The following FHIT variants were observed in gnomAD, a reference collection of about 807,000 sequenced individuals.
FHIT encodes bis(5'-adenosyl)-triphosphatase.
FHIT carries 19 observed loss-of-function variants against 17.9 expected under a neutral mutation model. That is an observed-to-expected ratio of 1.06 (90% CI 0.74 to 1.56). The LOEUF is 1.56. FHIT is among the 40% of genes most tolerant of loss of function. FHIT has a pLI of 0.00. For synonymous variants in FHIT, 81 were observed against 69.7 expected (o/e 1.16, Z -0.81); for missense variants, 248 against 189.2 (o/e 1.31, Z -1.82).
At chr3:61,204,148 A>G (rs187929076) in intron 1 of FHIT, among the ~76,000 whole-genome samples, 1 of 152,332 alleles carries the variant, frequency 6.6e-6, no homozygotes, top group East Asian at 1.9e-4. Context: ...AAAAATAAAT[A>G]CTGTGTTGTT....
chr3:60,263,952 G>A (rs185373576), intron 5 of FHIT, among the ~76,000 whole-genome samples: 82 of 151,586 alleles, frequency 5.4e-4, no homozygotes, highest in African/African-American at 1.8e-3. Flanking sequence ...TTAGATTTAC[G>A]TTGAGAATTT....
At chr3:60,332,126 T>C (rs1710007459) in intron 5 of FHIT, among the ~76,000 whole-genome samples, 1 of 152,168 alleles carries the variant, frequency 6.6e-6, no homozygotes, top group African/African-American at 2.4e-5. Context: ...TCTTTACATA[T>C]ATTAATTTAT....
At position 60,860,077 on chromosome 3, in the gene FHIT, T is replaced by G. The variant is rs1285011390; in HGVS notation, c.-110-38066A>C. Among the ~76,000 whole-genome samples the G allele has an allele frequency of 3.4e-5, 5 of 148,136 alleles. No homozygotes were observed. The East Asian group carries it at 9.7e-4, about 29-fold the overall frequency. On this transcript the variant is annotated intron_variant, in intron 3 of 9. Coordinates refer to ENST00000492590, the MANE Select transcript of FHIT (RefSeq NM_002012.4). Reference sequence around the variant, plus strand: ...AAAAGATACATATATATGATATATCTGATATATGATATATATATGATATAT... The same window carrying G: ...AAAAGATACATATATATGATATATCGGATATATGATATATATATGATATAT...
intron 5 of FHIT, among the ~76,000 whole-genome samples, chr3:60,184,275 G>A (rs1702070240): frequency 6.6e-6 from 1 of 151,746 alleles, no homozygotes; most frequent in African/African-American, 2.4e-5. Context: ...TATTTTATTG[G>A]GATTTCCTTA....
chr3:59,808,652 G>T (rs1470141628), intron 8 of FHIT, among the ~76,000 whole-genome samples: 1 of 152,214 alleles, frequency 6.6e-6, no homozygotes, highest in African/African-American at 2.4e-5. Flanking sequence ...TTTCTGCTGA[G>T]CTGATCTGGA....
intron 4 of FHIT, among the ~76,000 whole-genome samples, chr3:60,634,908 G>A (rs1282223676): frequency 6.6e-6 from 1 of 152,134 alleles, no homozygotes; most frequent in Non-Finnish European, 1.5e-5. Flanking sequence ...TTCCCAGGCT[G>A]GAGTGCAGTG....
chr3:60,762,719 C>T (rs1475861171), intron 4 of FHIT, among the ~76,000 whole-genome samples: 1 of 152,138 alleles, frequency 6.6e-6, no homozygotes, highest in Non-Finnish European at 1.5e-5. Context: ...TTGAGTAAAA[C>T]AGATTACCCT....
chr3:60,999,443 C>A (rs2030910295), intron 3 of FHIT, among the ~76,000 whole-genome samples: 2 of 148,890 alleles, frequency 1.3e-5, no homozygotes, highest in African/African-American at 5.0e-5. Flanking sequence ...TTTTTATTCT[C>A]CAAAGTGAAG....
intron 3 of FHIT, among the ~76,000 whole-genome samples, chr3:60,874,713 C>T (rs1553755926): frequency 6.6e-6 from 1 of 152,124 alleles, no homozygotes. Context: ...CACCTCCCAT[C>T]TGCAGTCTCA....
intron 2 of FHIT, among the ~76,000 whole-genome samples, chr3:61,134,888 G>A (rs989626318): frequency 6.6e-6 from 1 of 152,180 alleles, no homozygotes; most frequent in South Asian, 2.1e-4. Flanking sequence ...CAAATGCCCA[G>A]TGGCTGAGAG....
At chr3:61,015,372 T>C (rs752112270) in intron 3 of FHIT, among the ~76,000 whole-genome samples, 2 of 152,144 alleles carry the variant, frequency 1.3e-5, no homozygotes, top group South Asian at 2.1e-4. Context: ...CTGAGGGAGA[T>C]GTTTGTGTCC....
intron 4 of FHIT, among the ~76,000 whole-genome samples, chr3:60,577,659 A>G (rs1436839401): frequency 1.3e-5 from 2 of 152,144 alleles, no homozygotes; most frequent in Admixed American, 1.3e-4. Context: ...CATCAGTGCT[A>G]AGAGGCTTTC....
intron 5 of FHIT, among the ~76,000 whole-genome samples, chr3:60,431,746 C>T (rs1265014463): frequency 2.0e-5 from 3 of 152,098 alleles, no homozygotes; most frequent in African/African-American, 4.8e-5. Context: ...CAGCTCAAAA[C>T]GCCTCTCAAA....
At chr3:59,761,490 G>A (rs1311733213) in intron 8 of FHIT, among the ~76,000 whole-genome samples, 2 of 152,048 alleles carry the variant, frequency 1.3e-5, no homozygotes, top group African/African-American at 4.8e-5. Context: ...TATAAATCAG[G>A]TACAGGTACA....
chr3:60,824,595 A>G (rs1347409038), intron 3 of FHIT, among the ~76,000 whole-genome samples: 1 of 152,226 alleles, frequency 6.6e-6, no homozygotes, highest in Non-Finnish European at 1.5e-5. Flanking sequence ...CCTCACTGAT[A>G]TGGTTTGGCT....
At chr3:60,742,962 C>T (rs1376152201) in intron 4 of FHIT, among the ~76,000 whole-genome samples, 1 of 152,238 alleles carries the variant, frequency 6.6e-6, no homozygotes, top group Non-Finnish European at 1.5e-5. Context: ...TTTCAAAGGT[C>T]TGCCCTGAAG....
intron 4 of FHIT, among the ~76,000 whole-genome samples, chr3:60,537,878 T>C (rs941877332): frequency 5.9e-5 from 9 of 152,186 alleles, no homozygotes; most frequent in Non-Finnish European, 1.3e-4. Flanking sequence ...AACAGCCTAG[T>C]ATGAAACTGA....
chr3:60,745,308 G>A (rs1333275093), intron 4 of FHIT, among the ~76,000 whole-genome samples: 10 of 152,124 alleles, frequency 6.6e-5, no homozygotes, highest in Non-Finnish European at 2.9e-5. Context: ...TAGGCAGCGG[G>A]AATCAAACAC....
intron 7 of FHIT, among the ~76,000 whole-genome samples, chr3:59,987,962 C>G (rs555427118): frequency 6.6e-6 from 1 of 152,114 alleles, no homozygotes; most frequent in South Asian, 2.1e-4. Flanking sequence ...GTAACCTGAC[C>G]CACTACAGAA....
Sources: gnomAD v4.1 joint callset for allele counts (sites outside exome capture counted in the v4.1 genomes callset) on GRCh38, gnomAD v4.1.1 for gene constraint, MANE v1.5 for transcripts, NCBI Gene and HGNC (gene_info 2026-07-23, HGNC 2026-07-21) for gene names.